Variants in FOXK1 observed in about 807,000 individuals in gnomAD.
FOXK1 encodes the protein forkhead box protein K1.
In FOXK1, 19 loss-of-function variants were observed where a neutral mutation model predicts 51.9. The ratio of observed to expected loss-of-function variants is 0.37; its 90% CI spans 0.26 to 0.54. The LOEUF (loss-of-function observed/expected upper bound fraction) is 0.54. FOXK1 is among the 20% of genes least tolerant of loss of function. The pLI is 0.87. For missense variants in FOXK1, 870 were observed against 1,032.7 expected (o/e 0.84, Z 2.16); for synonymous variants, 537 against 482.6 (o/e 1.11, Z -1.48).
intron 2 of FOXK1, among the ~76,000 whole-genome samples, chr7:4,746,803 C>A (rs1780708223): frequency 6.6e-6 from 1 of 152,232 alleles, no homozygotes; most frequent in South Asian, 2.1e-4. Context: ...GGGAATCCTG[C>A]CTGGCTGATC....
chr7:4,730,992 C>A lies in FOXK1; in HGVS notation c.561-9846C>A, dbSNP rs1397241875. Among the ~76,000 whole-genome samples, 9 of 152,048 alleles carry A rather than the reference C, an allele frequency of 5.9e-5. No homozygotes were observed. Among genetic ancestry groups the A allele is most frequent in the African/African-American group, 1.9e-4 (8 of 41,398 alleles). ...GACTAGCCTGGGCAACATAACAAGA[C>A]CCTGTCTCTACAAAAAATCAAAACC... On this transcript the variant is annotated intron_variant, in intron 1 of 8. Transcript: ENST00000328914. This position sits in a 1 kb window ranked among gnomAD's most constrained non-coding sequence, Gnocchi z 4.7.
At chr7:4,704,173 G>A (rs998384635) in intron 1 of FOXK1, among the ~76,000 whole-genome samples, 4 of 152,024 alleles carry the variant, frequency 2.6e-5, no homozygotes, top group African/African-American at 2.4e-5. Context: ...ATCCCTGGCC[G>A]GGCGTGGTGG....
At chr7:4,713,069 C>T (rs2115042413) in intron 1 of FOXK1, among the ~76,000 whole-genome samples, 1 of 152,288 alleles carries the variant, frequency 6.6e-6, no homozygotes. Context: ...ATCTGGAGCT[C>T]ATAGATAACT....
Position 4,740,805 on chromosome 7 carries a change from T to A in FOXK1, c.561-33T>A, listed in dbSNP as rs765726452. 7.6e-6 allele frequency: 12 copies of A among 1,583,184 alleles called. 1 individual carries two copies. The highest frequency in any genetic ancestry group is 1.7e-4 in the Middle Eastern group (1 of 5,976). Reference sequence around the variant, plus strand: ...GTTGGCGTCTTCTTGAGTCTCCTCCTGCACCTCACACCCGCTCCTCCTCCT... The same window carrying A: ...GTTGGCGTCTTCTTGAGTCTCCTCCAGCACCTCACACCCGCTCCTCCTCCT... On this transcript the variant is annotated intron_variant, in intron 1 of 8. Coordinates refer to ENST00000328914, the MANE Select transcript of FOXK1 (RefSeq NM_001037165.2).
rs567152753 is a variant in FOXK1 at position 4,703,603 on chromosome 7, A to G, written c.560+20735A>G. Reference sequence around the variant, plus strand: ...TTAGGGTTGGGGACAGAACATCATTAAGAATTGTTTTTATATCTGGCAAAA... The same window carrying G: ...TTAGGGTTGGGGACAGAACATCATTGAGAATTGTTTTTATATCTGGCAAAA... On this transcript the variant is annotated intron_variant, in intron 1 of 8. Coordinates refer to ENST00000328914, the MANE Select transcript of FOXK1 (RefSeq NM_001037165.2). This position sits in a 1 kb window ranked among gnomAD's most constrained non-coding sequence, Gnocchi z 5.6. Among the ~76,000 whole-genome samples, 3 of 152,340 alleles carry G rather than the reference A, an allele frequency of 2.0e-5. No individual in the cohort carries two copies. In the East Asian group the frequency reaches 5.8e-4, roughly 29 times the overall value.
At position 4,759,504 on chromosome 7, in the gene FOXK1, C is replaced by T. The variant is rs558240328; in HGVS notation, c.1605C>T (p.Ala535=). The change falls in exon 7 of 9, where the codon GCC becomes GCT. Residue 535 remains alanine (A), a synonymous_variant. Coordinates refer to ENST00000328914, the MANE Select transcript of FOXK1 (RefSeq NM_001037165.2). The stretch of plus-strand genomic sequence containing the variant: ...TGGTCACCACATCTGCCAACTCGGC[C>T]AACGGATACATCCTCACCAGCCAGG... ...VRVVTTSANS[A]NGYILTSQGA... 139 of 1,575,954 alleles carry T rather than the reference C, an allele frequency of 8.8e-5. No individual in the cohort carries two copies. The highest frequency in any genetic ancestry group is 5.4e-4 in the Admixed American group (30 of 55,952).
chr7:4,716,366 T>C (rs1780235115), intron 1 of FOXK1, among the ~76,000 whole-genome samples: 1 of 152,062 alleles, frequency 6.6e-6, no homozygotes, highest in African/African-American at 2.4e-5. Flanking sequence ...GTCAGCTGGA[T>C]GTGGTGGCAT....
chr7:4,725,191 G>A lies in FOXK1; in HGVS notation c.561-15647G>A, dbSNP rs116663729. On this transcript the variant is annotated intron_variant, in intron 1 of 8. Transcript: ENST00000328914. ...CTCTGAATTTGTTTCATTTCACTGC[G>A]AGTTGGGGTCGCGGGGGTAGATCGG... Among the ~76,000 whole-genome samples the A allele has an allele frequency of 3.2e-3, 481 of 152,366 alleles. 1 individual carries two copies. The highest frequency in any genetic ancestry group is 0.011 in the African/African-American group (449 of 41,584).
rs746419948 is a variant in FOXK1, at chr7:4,759,014, CGGG to C, written c.1245-36_1245-34del. 1.9e-4 allele frequency: 299 copies of C among 1,548,210 alleles called. No individual in the cohort carries two copies. In the African/African-American group the frequency reaches 2.4e-3, roughly 12 times the overall value. ...GGAAACGTCCTCGCATCCCTCAGCG[CGGG>C]CGCTGACTGCCGCGGCCCTTGCCTG... On this transcript the variant is annotated intron_variant, in intron 5 of 8. Coordinates refer to ENST00000328914, the MANE Select transcript of FOXK1 (RefSeq NM_001037165.2).
At chr7:4,693,642 C>T (rs1156350524) in intron 1 of FOXK1, among the ~76,000 whole-genome samples, 1 of 152,074 alleles carries the variant, frequency 6.6e-6, no homozygotes, top group Non-Finnish European at 1.5e-5. Flanking sequence ...GGTGTCCCCT[C>T]CCCTGGAGAA....
At chr7:4,717,002 G>C (rs949628517) in intron 1 of FOXK1, among the ~76,000 whole-genome samples, 3 of 150,236 alleles carry the variant, frequency 2.0e-5, no homozygotes, top group Non-Finnish European at 4.4e-5. Flanking sequence ...GAGGCGCGTG[G>C]CTGGAAGGTA....
intron 1 of FOXK1, among the ~76,000 whole-genome samples, chr7:4,732,688 A>G (rs1780493860): frequency 6.6e-6 from 1 of 152,192 alleles, no homozygotes; most frequent in South Asian, 2.1e-4. Context: ...CACTTCGCAG[A>G]GGCAGTGGCT....
chr7:4,699,190 T>A (rs530563617), intron 1 of FOXK1, among the ~76,000 whole-genome samples: 1 of 152,256 alleles, frequency 6.6e-6, no homozygotes, highest in South Asian at 2.1e-4. Flanking sequence ...GGGCTGGCTC[T>A]CCACATACAT....
intron 1 of FOXK1, among the ~76,000 whole-genome samples, chr7:4,705,996 A>ATATATACGTG (rs1562373090): frequency 1.2e-4 from 12 of 96,406 alleles, no homozygotes; most frequent in African/African-American, 9.5e-4. Flanking sequence ...ATATATACGT[A>ATATATACGTG]TATATACGTA....
chr7:4,722,302 T>A lies in FOXK1; in HGVS notation c.561-18536T>A, dbSNP rs1033889087. 7.9e-5 allele frequency among the ~76,000 whole-genome samples: 12 copies of A among 152,346 alleles called. No homozygotes were observed. Among genetic ancestry groups the A allele is most frequent in the African/African-American group, 2.9e-4 (12 of 41,588 alleles). On this transcript the variant is annotated intron_variant, in intron 1 of 8. Coordinates refer to ENST00000328914, the MANE Select transcript of FOXK1 (RefSeq NM_001037165.2). This position sits in a 1 kb window ranked among gnomAD's most constrained non-coding sequence, Gnocchi z 5.1. The stretch of plus-strand genomic sequence containing the variant: ...CCCTGCCTCAGATTCCAAAATCTGT[T>A]GTTCTAGAAACTCTCTAAGGTTTTA...
At chr7:4,750,600 A>G (rs1270157991) in intron 2 of FOXK1, among the ~76,000 whole-genome samples, 3 of 150,722 alleles carry the variant, frequency 2.0e-5, no homozygotes, top group Non-Finnish European at 4.4e-5. Context: ...CCGCCACCAC[A>G]CCCAGCTAAT....
In FOXK1 at chr7:4,767,193, C is replaced by CT. The variant is rs1215462737; in HGVS notation, c.*4730dup. 1.3e-5 allele frequency: 2 copies of CT among 152,276 alleles called. No individual in the cohort carries two copies. The highest frequency in any genetic ancestry group is 4.8e-5 in the African/African-American group (2 of 41,456). 9.4% of individuals were successfully genotyped at this position (152,276 alleles called of 1,614,324 possible). A position where few individuals can be genotyped will look rare whatever the true frequency, so the allele number is the denominator to read the frequency against. ...CCATCCTGGGCTCCTCCTCACCCCT[C>CT]TGAGAAAGCCCCCCTAAAAAAAGGC... On this transcript the variant is annotated 3_prime_UTR_variant, in exon 9 of 9. Transcript: ENST00000328914. The surrounding 1 kb of genome is among the most constrained non-coding windows in gnomAD (Gnocchi z 6.6).
intron 1 of FOXK1, among the ~76,000 whole-genome samples, chr7:4,704,130 T>A (rs1262333054): frequency 1.3e-5 from 2 of 151,904 alleles, no homozygotes; most frequent in African/African-American, 4.8e-5. Context: ...CATTTAAAGG[T>A]GAAAGATTTT....
chr7:4,747,753 C>T lies in FOXK1; in HGVS notation c.747-6706C>T, dbSNP rs1217101444. 6.6e-6 allele frequency among the ~76,000 whole-genome samples: 1 copy of T among 152,096 alleles called. No individual in the cohort carries two copies. The highest frequency in any genetic ancestry group is 1.5e-5 in the Non-Finnish European group (1 of 68,014). On this transcript the variant is annotated intron_variant, in intron 2 of 8. Coordinates refer to ENST00000328914, the MANE Select transcript of FOXK1 (RefSeq NM_001037165.2). This position sits in a 1 kb window ranked among gnomAD's most constrained non-coding sequence, Gnocchi z 9.2. ...GTGTCTTGCCCAGGCTGGTCCTGAACTCCTGGCCTCAAGCAGTCTTCCCAC... is the reference window on the plus strand; with the variant it reads ...GTGTCTTGCCCAGGCTGGTCCTGAATTCCTGGCCTCAAGCAGTCTTCCCAC...
Sources: allele counts gnomAD v4.1 joint callset (sites outside exome capture counted in the v4.1 genomes callset), GRCh38; gene constraint gnomAD v4.1.1; non-coding constraint Gnocchi (gnomAD v3.1); transcripts MANE v1.5; gene names NCBI Gene and HGNC (gene_info 2026-07-23, HGNC 2026-07-21).